Variants in SERPINA5 observed in about 807,000 individuals in gnomAD.
The protein encoded by SERPINA5 is plasma serine protease inhibitor.
A neutral mutation model predicts 25.3 loss-of-function variants in SERPINA5; 25 were observed. That is an observed-to-expected ratio of 0.99 (90% CI 0.72 to 1.38). SERPINA5 has a LOEUF of 1.38. SERPINA5 is among the 40% of genes most tolerant of loss of function. The pLI is 0.00. For missense variants in SERPINA5, 599 were observed against 509.5 expected, an observed-to-expected ratio of 1.18 and a Z score of -1.69; for synonymous variants, 234 against 206.2, an observed-to-expected ratio of 1.14 and a Z score of -1.16.
At chr14:94,589,984 A>T (rs1885222249) in intron 3 of SERPINA5, 57 bp from the exon 4 acceptor site, 2 of 1,495,602 alleles carry the variant, frequency 1.3e-6, no homozygotes, top group African/African-American at 2.8e-5. Flanking sequence ...TTTGCAGCTG[A>T]GAATTTCTAA....
chr14:94,585,899 AC>A (rs1386056136), intron 2 of SERPINA5, among the ~76,000 whole-genome samples: 1 of 152,096 alleles, frequency 6.6e-6, no homozygotes, highest in African/African-American at 2.4e-5. Context: ...CTTCCATAGC[AC>A]GTGCCCCCAA....
intron 2 of SERPINA5, among the ~76,000 whole-genome samples, chr14:94,583,650 C>A (rs534720801): frequency 6.6e-6 from 1 of 152,194 alleles, no homozygotes; most frequent in Non-Finnish European, 1.5e-5. Flanking sequence ...ATTTGGGTTT[C>A]GGGGATGGTG....
chr14:94,591,306 T>A (rs1780987218), intron 5 of SERPINA5, among the ~76,000 whole-genome samples: 1 of 129,544 alleles, frequency 7.7e-6, no homozygotes, highest in Non-Finnish European at 1.6e-5. Context: ...ACTCCACTCA[T>A]CCACTCCACT....
intron 2 of SERPINA5, among the ~76,000 whole-genome samples, chr14:94,584,411 G>T (rs1321241539): frequency 1.3e-5 from 2 of 152,168 alleles, no homozygotes; most frequent in Admixed American, 1.3e-4. Flanking sequence ...TTGGCCCAGA[G>T]GGAGCAAGAT....
intron 4 of SERPINA5, 35 bp downstream of exon 4, chr14:94,590,346 C>T (rs1237180776): frequency 6.4e-7 from 1 of 1,555,074 alleles, no homozygotes; most frequent in South Asian, 1.2e-5. Flanking sequence ...AGCCTAAACC[C>T]ACACAGCCCC....
chr14:94,591,910 T>C, intron 5 of SERPINA5, 147 bp from the exon 6 acceptor site: 1 of 851,634 alleles, frequency 1.2e-6, no homozygotes, highest in South Asian at 1.7e-5. Flanking sequence ...GCAGAGTAGC[T>C]GCTCCATTGT....
chr14:94,582,186 G>T (rs1019330546), intron 2 of SERPINA5: 1 of 152,262 alleles, frequency 6.6e-6, no homozygotes, highest in African/African-American at 2.4e-5. Flanking sequence ...TGAACAAAAT[G>T]TAGAAATAAA....
Position 94,590,192 on chromosome 14 carries a change from C to G in SERPINA5, c.771C>G (p.Val257=), listed in dbSNP as rs2069985. 1.2e-3 allele frequency: 1,991 copies of G among 1,614,062 alleles called. 30 individuals are homozygous for G. In the African/African-American group the frequency reaches 0.023, roughly 19 times the overall value. Residue 257 remains valine (V), a synonymous_variant, in exon 4 of 6, where the codon GTC becomes GTG. Coordinates refer to ENST00000329597, the MANE Select transcript of SERPINA5 (RefSeq NM_000624.6). ...DRNLSCRVVG[V]PYQGNATALF... ...ACCTCTCCTGCAGGGTGGTGGGGGT[C>G]CCCTACCAAGGCAATGCCACGGCTT... is the stretch of plus-strand genomic sequence containing the variant.
At chr14:94,585,764 C>CATGTGTGTGT (rs1472790066) in intron 2 of SERPINA5, among the ~76,000 whole-genome samples, 2 of 145,774 alleles carry the variant, frequency 1.4e-5, no homozygotes, top group Admixed American at 1.4e-4. Context: ...CAGGCTCACA[C>CATGTGTGTGT]GTGTGTGTGT....
chr14:94,585,757 G>T (rs1885055992), intron 2 of SERPINA5, among the ~76,000 whole-genome samples: 1 of 141,068 alleles, frequency 7.1e-6, no homozygotes, highest in Admixed American at 7.0e-5. Flanking sequence ...GTGCTGTCAG[G>T]CTCACACGTG....
chr14:94,586,512 A>G (rs1481133322), intron 2 of SERPINA5, among the ~76,000 whole-genome samples: 1 of 152,120 alleles, frequency 6.6e-6, no homozygotes, highest in Non-Finnish European at 1.5e-5. Flanking sequence ...GTAAGGACGT[A>G]GTCATATTGG....
chr14:94,589,921 G>A (rs1051241868), intron 3 of SERPINA5, 120 bp from the exon 4 acceptor site: 1 of 917,276 alleles, frequency 1.1e-6, no homozygotes, highest in Non-Finnish European at 1.6e-6. Context: ...CTGCTCTGGG[G>A]CTGCCATAAA....
Position 94,592,565 on chromosome 14 carries a change from C to A in SERPINA5, c.*326C>A, listed in dbSNP as rs1885342028. The A allele has an allele frequency of 8.4e-6, 2 of 237,910 alleles. No individual in the cohort carries two copies. Among genetic ancestry groups the A allele is most frequent in the African/African-American group, 2.3e-5 (1 of 44,438 alleles). The allele number at this position is 237,910 out of a possible 1,614,324, so 14.7% of individuals were successfully genotyped here. A position where few individuals can be genotyped will look rare whatever the true frequency, so the allele number is the denominator to read the frequency against. On this transcript the variant is annotated 3_prime_UTR_variant, in exon 6 of 6. Coordinates refer to ENST00000329597, the MANE Select transcript of SERPINA5 (RefSeq NM_000624.6). The stretch of plus-strand genomic sequence containing the variant: ...GGTCCAGAGTCCTGGCCCTTGATGC[C>A]CAGCTCAGTGCCACAAAGCTCAATA...
chr14:94,587,289 A>G, intron 2 of SERPINA5, 57 bp from the exon 3 acceptor site: 4 of 1,471,400 alleles, frequency 2.7e-6, no homozygotes, highest in Non-Finnish European at 2.7e-6. Flanking sequence ...CATCTCTGGA[A>G]AGTCAGCACC....
chr14:94,583,620 C>G (rs142010856), intron 2 of SERPINA5, among the ~76,000 whole-genome samples: 13 of 152,276 alleles, frequency 8.5e-5, no homozygotes, highest in African/African-American at 2.4e-4. Flanking sequence ...CTGCCCAACA[C>G]GGGAAATATC....
In SERPINA5 at chr14:94,587,820, A is replaced by G. The variant is rs1487894258; in HGVS notation, c.458A>G (p.Tyr153Cys). ...TTCGTAAGTGCCATGAAGACGCTGT[A>G]CCTGGCAGACACTTTCCCTACCAAC... is the stretch of plus-strand genomic sequence containing the variant. ...DTFVSAMKTL[Y>C]LADTFPTNFR... The change falls in exon 3 of 6, where the codon TAC becomes TGC. Residue 153 changes from tyrosine (Y) to cysteine (C), a missense_variant. Transcript: ENST00000329597. 3 of 1,613,854 alleles carry G rather than the reference A, an allele frequency of 1.9e-6. No homozygotes were observed. Among genetic ancestry groups the G allele is most frequent in the African/African-American group, 2.7e-5 (2 of 74,930 alleles).
rs1184250292 is a variant in SERPINA5 at position 94,592,149 on chromosome 14, G to T, written c.1131G>T (p.Leu377=). 6.2e-7 allele frequency: 1 copy of T among 1,614,032 alleles called. No homozygotes were observed. Among genetic ancestry groups the T allele is most frequent in the Non-Finnish European group, 8.5e-7 (1 of 1,180,030 alleles). Residue 377 remains leucine, a synonymous_variant, in exon 6 of 6, where the codon CTG becomes CTT. Transcript: ENST00000329597. ...TATTCACTTTCAGGTCGGCCCGCCT[G>T]AACTCTCAGAGGCTAGTGTTCAACA... ...GTIFTFRSAR[L]NSQRLVFNRP... is the part of the protein sequence containing the mutation.
At chr14:94,587,266 T>G (rs1885121169) in intron 2 of SERPINA5, 80 bp from the exon 3 acceptor site, 3 of 1,257,608 alleles carry the variant, frequency 2.4e-6, no homozygotes, top group Admixed American at 4.5e-5. Context: ...ACCCATTGAG[T>G]GTTGGGTGGG....
At position 94,591,949 on chromosome 14, in the gene SERPINA5, T is replaced by C. The variant is rs889096012; in HGVS notation, c.1039-108T>C. On this transcript the variant is annotated intron_variant, in intron 5 of 5. Coordinates refer to ENST00000329597, the MANE Select transcript of SERPINA5 (RefSeq NM_000624.6). ...ATTTCCTACTTGCTCCATGGCTCAG[T>C]TGAACAGATACTTAGAGGTTGATGC... 3.2e-6 allele frequency: 4 copies of C among 1,245,750 alleles called. No individual in the cohort carries two copies. In the African/African-American group the frequency reaches 4.5e-5, roughly 14 times the overall value. The allele number at this position is 1,245,750 out of a possible 1,614,324, so 77.2% of individuals were successfully genotyped here.
Sources: gnomAD v4.1 joint callset for allele counts (sites outside exome capture counted in the v4.1 genomes callset) on GRCh38, gnomAD v4.1.1 for gene constraint, MANE v1.5 for transcripts, NCBI Gene and HGNC (gene_info 2026-07-23, HGNC 2026-07-21) for gene names.